The following RAB44 variants were observed in gnomAD, a reference collection of about 807,000 sequenced individuals.
RAB44 encodes ras-related protein Rab-44.
RAB44 carries 67 observed loss-of-function variants against 93.3 expected under a neutral mutation model. The ratio of observed to expected loss-of-function variants is 0.72; its 90% CI spans 0.59 to 0.88. The LOEUF (loss-of-function observed/expected upper bound fraction) is 0.88. Among genes scored for constraint, RAB44 ranks in the 40% least tolerant of loss-of-function variants. The pLI is 0.00. For missense variants in RAB44, 1,064 were observed against 1,261.7 expected (o/e 0.84, Z 2.37); for synonymous variants, 427 against 520.3 (o/e 0.82, Z 2.44).
intron 6 of RAB44, 41 bp downstream of exon 6, chr6:36,718,159 G>T: frequency 8.4e-7 from 1 of 1,197,518 alleles, no homozygotes; most frequent in South Asian, 4.3e-5. Context: ...CCACTGCCCG[G>T]GACACCTCTG....
Position 36,717,978 on chromosome 6 carries a change from C to G in RAB44, c.642-50C>G, listed in dbSNP as rs1417148676. 6 of 1,145,466 alleles carry G rather than the reference C, an allele frequency of 5.2e-6. No individual in the cohort carries two copies. The highest frequency in any genetic ancestry group is 6.6e-6 in the Non-Finnish European group (6 of 908,954). 71.0% of individuals were successfully genotyped at this position (1,145,466 alleles called of 1,614,324 possible). On this transcript the variant is annotated intron_variant, in intron 5 of 13. Transcript: ENST00000612677. The surrounding 1 kb of genome is among the most constrained non-coding windows in gnomAD (Gnocchi z 4.1). The stretch of plus-strand genomic sequence containing the variant: ...CCAGACTGCCCCTGCCAGCAGCAGG[C>G]TCCCAGAGGTGCTGATGGGCTGCCT...
rs1031511697 is a variant in RAB44, at chr6:36,718,046, C to T, written c.660C>T (p.His220=). Residue 220 remains histidine (H), a synonymous_variant, in exon 6 of 14, where the codon CAC becomes CAT. Coordinates refer to ENST00000612677, the MANE Select transcript of RAB44 (RefSeq NM_001257357.2). ...LTLRKRDSDH[H]REVQQLYEEM... is the part of the protein sequence containing the mutation. ...CTCCCAGGCGTGACTCTGACCACCA[C>T]CGCGAGGTCCAGCAGCTCTATGAGG... The T allele has an allele frequency of 3.1e-5, 38 of 1,231,960 alleles. No individual in the cohort carries two copies. Among genetic ancestry groups the T allele is most frequent in the Non-Finnish European group, 3.8e-5 (38 of 987,980 alleles). 76.3% of individuals were successfully genotyped at this position (1,231,960 alleles called of 1,614,324 possible). A position where few individuals can be genotyped will look rare whatever the true frequency, so the allele number is the denominator to read the frequency against.
intron 2 of RAB44, among the ~76,000 whole-genome samples, chr6:36,705,967 A>G (rs1762640916): frequency 6.6e-6 from 1 of 151,562 alleles, no homozygotes; most frequent in Non-Finnish European, 1.5e-5. Flanking sequence ...TGGTGCAATC[A>G]TAGCTCACTG....
chr6:36,713,980 C>G (rs1394730310), intron 3 of RAB44, 41 bp downstream of exon 3: 24 of 1,288,484 alleles, frequency 1.9e-5, no homozygotes, highest in Non-Finnish European at 2.6e-5. Flanking sequence ...CCCAGGTGTT[C>G]CGTGCAGTGT....
rs1168115595 is a variant in RAB44, at chr6:36,721,733, G to C, written c.1599G>C (p.Gly533=). The C allele has an allele frequency of 1.6e-6, 2 of 1,234,344 alleles. No homozygotes were observed. Among genetic ancestry groups the C allele is most frequent in the Non-Finnish European group, 2.0e-6 (2 of 988,256 alleles). The allele number at this position is 1,234,344 out of a possible 1,614,324, so 76.5% of individuals were successfully genotyped here. ...CAGACCCAGATGACAAGGGCCCTGG[G>C]TCTTGGGCTCCTCCCAGCGGGGCTC... ...QASDPDDKGP[G]SWAPPSGAQP... is the part of the protein sequence containing the mutation. The change falls in exon 9 of 14, where the codon GGG becomes GGC. Residue 533 remains glycine, a synonymous_variant. Coordinates refer to ENST00000612677, the MANE Select transcript of RAB44 (RefSeq NM_001257357.2).
intron 2 of RAB44, among the ~76,000 whole-genome samples, chr6:36,712,418 G>T (rs1331104588): frequency 6.6e-6 from 1 of 152,202 alleles, no homozygotes; most frequent in Non-Finnish European, 1.5e-5. Flanking sequence ...AGGCTAGAGT[G>T]CAGTGGTGCG....
At chr6:36,708,121 A>G (rs1032260834) in intron 2 of RAB44, among the ~76,000 whole-genome samples, 1 of 152,074 alleles carries the variant, frequency 6.6e-6, no homozygotes, top group African/African-American at 2.4e-5. Context: ...CTAAGGTGGG[A>G]AGATTGCTTG....
At chr6:36,698,457 C>T (rs1762435566) in intron 1 of RAB44, among the ~76,000 whole-genome samples, 1 of 152,190 alleles carries the variant, frequency 6.6e-6, no homozygotes. Context: ...TGGTGGGCAG[C>T]CTGTGGTGCC....
At chr6:36,706,662 G>A (rs533213578) in intron 2 of RAB44, among the ~76,000 whole-genome samples, 1 of 152,226 alleles carries the variant, frequency 6.6e-6, no homozygotes, top group African/African-American at 2.4e-5. Flanking sequence ...AAAAAAGGAG[G>A]ACAGATTCTG....
Position 36,721,297 on chromosome 6 carries a change from G to A in RAB44, c.1163G>A (p.Cys388Tyr), listed in dbSNP as rs1763072117. Residue 388 changes from cysteine (C) to tyrosine (Y), a missense_variant, in exon 9 of 14, where the codon TGC (cysteine) becomes TAC (tyrosine). Coordinates refer to ENST00000612677, the MANE Select transcript of RAB44 (RefSeq NM_001257357.2). ...CCTCCGCACGGAGCCCTGCAGCTCT[G>A]CTGGAGCCCGCCCCCGACCCCAAGA... Reference protein sequence around the residue: ...GSPPHGALQLCWSPPPTPRAT... With the variant: ...GSPPHGALQLYWSPPPTPRAT... 1 of 1,234,212 alleles carries A rather than the reference G, an allele frequency of 8.1e-7. No homozygotes were observed. Among genetic ancestry groups the A allele is most frequent in the Non-Finnish European group, 1.0e-6 (1 of 988,124 alleles). The allele number at this position is 1,234,212 out of a possible 1,614,324, so 76.5% of individuals were successfully genotyped here. A position where few individuals can be genotyped will look rare whatever the true frequency, so the allele number is the denominator to read the frequency against.
intron 2 of RAB44, among the ~76,000 whole-genome samples, chr6:36,706,446 T>C (rs754707029): frequency 3.9e-5 from 6 of 152,164 alleles, no homozygotes; most frequent in Non-Finnish European, 8.8e-5. Context: ...CTTCTTGAGG[T>C]CCCTGATTTT....
At chr6:36,718,373 C>T in intron 6 of RAB44, 120 bp from the exon 7 acceptor site, 2 of 493,848 alleles carry the variant, frequency 4.0e-6, no homozygotes, top group Non-Finnish European at 6.4e-6. Flanking sequence ...GAGAACCCTC[C>T]CTGCTGGGGC....
At chr6:36,721,021 T>G in intron 8 of RAB44, 130 bp from the exon 9 acceptor site, 1 of 837,796 alleles carries the variant, frequency 1.2e-6, no homozygotes, top group Non-Finnish European at 1.6e-6. Flanking sequence ...GTGAGAAAGA[T>G]TGCCTGAGCA....
chr6:36,730,581 C>A, intron 12 of RAB44, 92 bp from the exon 13 acceptor site: 2 of 767,158 alleles, frequency 2.6e-6, no homozygotes, highest in Non-Finnish European at 3.6e-6. Context: ...TGCATTGGGA[C>A]TCTGATGGCC....
Position 36,701,492 on chromosome 6 carries a change from G to A in RAB44, c.-12-2732G>A, listed in dbSNP as rs115004241. Among the ~76,000 whole-genome samples, 741 of 152,264 alleles carry A rather than the reference G, an allele frequency of 4.9e-3. 4 individuals are homozygous for A. The highest frequency in any genetic ancestry group is 0.017 in the African/African-American group (712 of 41,550). ...TGAATCAGCAGAGGAAGTGGGTTGA[G>A]AGCCCAGTACATATCCTAAGCAAGG... On this transcript the variant is annotated intron_variant, in intron 1 of 13. Transcript: ENST00000612677.
chr6:36,716,315 C>T (rs1762920187), intron 4 of RAB44, among the ~76,000 whole-genome samples: 1 of 151,808 alleles, frequency 6.6e-6, no homozygotes, highest in Non-Finnish European at 1.5e-5. Context: ...ACTAAAAATA[C>T]AAAAATTAGC....
rs1013185712 is a variant in RAB44 at position 36,722,224 on chromosome 6, C to G, written c.2090C>G (p.Ser697Trp). The G allele has an allele frequency of 9.5e-6, 12 of 1,261,638 alleles. No individual in the cohort carries two copies. Among genetic ancestry groups the G allele is most frequent in the Non-Finnish European group, 1.2e-5 (12 of 1,004,500 alleles). 78.2% of individuals were successfully genotyped at this position (1,261,638 alleles called of 1,614,324 possible). ...CTCAGTTCAGAGCAGTCAGAGCAGT[C>G]GGTTGAGGCTCACGGCCTAGAAACT... ...QDLSSEQSEQ[S>W]VEAHGLETAH... Residue 697 changes from serine to tryptophan, a missense_variant, in exon 9 of 14, where the codon TCG (serine) becomes TGG (tryptophan). Coordinates refer to ENST00000612677, the MANE Select transcript of RAB44 (RefSeq NM_001257357.2).
intron 2 of RAB44, 94 bp downstream of exon 2, chr6:36,704,536 C>A: frequency 8.5e-7 from 1 of 1,174,320 alleles, no homozygotes; most frequent in Admixed American, 2.1e-5. Flanking sequence ...GCTTGCTACC[C>A]CTGCCCCTTT....
chr6:36,716,499 G>A (rs1416638985), intron 4 of RAB44, among the ~76,000 whole-genome samples: 2 of 150,170 alleles, frequency 1.3e-5, no homozygotes, highest in Non-Finnish European at 3.0e-5. Context: ...GAGAGAGATA[G>A]AAAGGGAGCC....
Sources: allele counts gnomAD v4.1 joint callset (sites outside exome capture counted in the v4.1 genomes callset), GRCh38; gene constraint gnomAD v4.1.1; non-coding constraint Gnocchi (gnomAD v3.1); transcripts MANE v1.5; gene names NCBI Gene and HGNC (gene_info 2026-07-23, HGNC 2026-07-21).